Variants in TMT1A observed in about 807,000 individuals in gnomAD.
The protein encoded by TMT1A is thiol S-methyltransferase TMT1A.
At chr12:50,925,607 A>G in the TMT1A span, 4 of 1,488,704 alleles carry the variant, frequency 2.7e-6, no homozygotes, top group Non-Finnish European at 3.6e-6. Flanking sequence ...TGTCAATTTC[A>G]GGTGGCTGAA....
At chr12:50,925,438 G>A in the TMT1A span, 15,677 of 1,614,194 alleles carry the variant, frequency 9.7e-3, 491 homozygotes, top group East Asian at 0.075. Context: ...GCACCAGGTG[G>A]CTGATGGCTC....
chr12:50,926,016 CAAAAA>C, the TMT1A span, among the ~76,000 whole-genome samples: 1 of 26,064 alleles, frequency 3.8e-5, no homozygotes, highest in South Asian at 2.0e-3. Context: ...AACTCCATCT[CAAAAA>C]AAAAAAAAAA....
chr12:50,929,896 T>G, the TMT1A span: 2 of 1,553,428 alleles, frequency 1.3e-6, no homozygotes. Context: ...AATGTTTTTT[T>G]TTTTCTTTCT....
At chr12:50,931,347 T>C in the TMT1A span, 1 of 152,104 alleles carries the variant, frequency 6.6e-6, no homozygotes, top group African/African-American at 2.4e-5. Context: ...TAAGAAATAC[T>C]AGCTAATTAA....
the TMT1A span, chr12:50,930,142 G>A: frequency 2.5e-6 from 4 of 1,601,180 alleles, no homozygotes; most frequent in South Asian, 4.4e-5. Flanking sequence ...TGGATATGCT[G>A]TGAAATAGTG....
chr12:50,932,073 T>A, the TMT1A span: 1 of 152,168 alleles, frequency 6.6e-6, no homozygotes, highest in East Asian at 1.9e-4. Context: ...GTTTAGTATA[T>A]CCATAAAACT....
At chr12:50,928,821 G>A in the TMT1A span, among the ~76,000 whole-genome samples, 17 of 152,084 alleles carry the variant, frequency 1.1e-4, no homozygotes, top group African/African-American at 2.4e-4. Context: ...ATATCCAGCC[G>A]TCTACTCAAC....
At chr12:50,930,078 G>C in the TMT1A span, 4 of 1,613,974 alleles carry the variant, frequency 2.5e-6, no homozygotes, top group Non-Finnish European at 3.4e-6. Flanking sequence ...CTAAGCTGAA[G>C]CTGCAGCACA....
the TMT1A span, among the ~76,000 whole-genome samples, chr12:50,928,912 TC>T: frequency 6.6e-6 from 1 of 152,092 alleles, no homozygotes; most frequent in Non-Finnish European, 1.5e-5. Flanking sequence ...CTGCCTCTCC[TC>T]CTTTATGCTG....
chr12:50,927,085 T>C, the TMT1A span, among the ~76,000 whole-genome samples: 1 of 152,176 alleles, frequency 6.6e-6, no homozygotes, highest in African/African-American at 2.4e-5. Context: ...AGTGGCATGA[T>C]CACAGCTCAC....
At chr12:50,931,057 T>C in the TMT1A span, 1 of 151,904 alleles carries the variant, frequency 6.6e-6, no homozygotes, top group Non-Finnish European at 1.5e-5. Context: ...CCAAATCTTA[T>C]TTTATTCATT....
the TMT1A span, chr12:50,930,237 C>CT: frequency 1.3e-4 from 134 of 1,063,326 alleles, no homozygotes; most frequent in South Asian, 1.6e-4. Flanking sequence ...GAAGAGAAAC[C>CT]TTTTTTTTGG....
chr12:50,925,199 A>G, the TMT1A span: 1 of 1,614,248 alleles, frequency 6.2e-7, no homozygotes. Flanking sequence ...ATGGCAAGCA[A>G]GAAGCGGGAG....
the TMT1A span, among the ~76,000 whole-genome samples, chr12:50,929,072 T>C: frequency 1.3e-5 from 2 of 150,242 alleles, no homozygotes; most frequent in Non-Finnish European, 2.9e-5. Context: ...ACTCTGTCTC[T>C]ATAAAAAAAA....
At chr12:50,928,889 G>C in the TMT1A span, among the ~76,000 whole-genome samples, 3 of 152,060 alleles carry the variant, frequency 2.0e-5, no homozygotes, top group African/African-American at 7.2e-5. Context: ...GGGCAACACT[G>C]ACCTCCCCAA....
chr12:50,928,946 T>A, the TMT1A span, among the ~76,000 whole-genome samples: 2 of 151,952 alleles, frequency 1.3e-5, no homozygotes, highest in Admixed American at 6.6e-5. Context: ...AAGATTTTTT[T>A]TAAAATCAGG....
At chr12:50,930,290 TGGCGGGAAGAAAGA>T in the TMT1A span, 2 of 645,650 alleles carry the variant, frequency 3.1e-6, no homozygotes, top group Non-Finnish European at 5.0e-6. Flanking sequence ...TTTTTTTTTT[TGGCGGGAAGAAAGA>T]GTTTTGCTCT....
the TMT1A span, chr12:50,925,440 T>C: frequency 2.7e-5 from 43 of 1,614,114 alleles, no homozygotes; most frequent in East Asian, 1.6e-4. Context: ...ACCAGGTGGC[T>C]GATGGCTCTG....
chr12:50,928,776 T>G, the TMT1A span, among the ~76,000 whole-genome samples: 2 of 152,070 alleles, frequency 1.3e-5, no homozygotes, highest in Non-Finnish European at 2.9e-5. Flanking sequence ...AATCTAAACA[T>G]CTATCCCAGG....
Sources: allele counts gnomAD v4.1 joint callset (sites outside exome capture counted in the v4.1 genomes callset), GRCh38; gene constraint gnomAD v4.1.1; transcripts MANE v1.5; gene names NCBI Gene and HGNC (gene_info 2026-07-23, HGNC 2026-07-21).